The following CLSTN2 variants were observed in gnomAD, a reference collection of about 807,000 sequenced individuals.
CLSTN2 encodes calsyntenin 2.
CLSTN2 carries 48 observed loss-of-function variants against 101.2 expected under a neutral mutation model. The observed-to-expected ratio is 0.47, with a 90% CI of 0.38 to 0.60. CLSTN2 has a LOEUF of 0.60. Among genes scored for constraint, CLSTN2 ranks in the 20% least tolerant of loss-of-function variants. The pLI, the probability that CLSTN2 is intolerant of heterozygous loss-of-function variation, is 0.00. For synonymous variants in CLSTN2, 481 were observed against 463.6 expected (o/e 1.04, Z -0.48); for missense variants, 1,160 against 1,238.2 (o/e 0.94, Z 0.95).
intron 2 of CLSTN2, among the ~76,000 whole-genome samples, chr3:140,347,107 A>G (rs1332235335): frequency 3.3e-5 from 5 of 152,184 alleles, no homozygotes; most frequent in African/African-American, 9.7e-5. Flanking sequence ...TTTTCTCCTG[A>G]GAGTCATACA....
chr3:140,524,866 A>C (rs556298971), intron 8 of CLSTN2, among the ~76,000 whole-genome samples: 1 of 152,240 alleles, frequency 6.6e-6, no homozygotes, highest in Non-Finnish European at 1.5e-5. Context: ...CAACAAAATT[A>C]AGGCAGAAAT....
At chr3:139,969,743 G>T (rs933608986) in intron 1 of CLSTN2, among the ~76,000 whole-genome samples, 3 of 152,116 alleles carry the variant, frequency 2.0e-5, no homozygotes, top group Admixed American at 6.5e-5. Context: ...CTTGGAGGAG[G>T]ACCTGTGCCT....
intron 5 of CLSTN2, among the ~76,000 whole-genome samples, chr3:140,437,087 C>T (rs1384262713): frequency 6.4e-5 from 9 of 141,716 alleles, no homozygotes; most frequent in Non-Finnish European, 9.0e-5. Flanking sequence ...CTTGCTCTGT[C>T]GCCCAGGCTG....
chr3:140,377,652 AT>A (rs551700205), intron 2 of CLSTN2, among the ~76,000 whole-genome samples: 2,234 of 152,306 alleles, frequency 0.015, 21 homozygotes, highest in Non-Finnish European at 0.021. Flanking sequence ...GAAAGAAAAC[AT>A]TTTTTTACAG....
At chr3:140,438,431 TAAAAAA>T (rs60186664) in intron 5 of CLSTN2, among the ~76,000 whole-genome samples, 6 of 45,676 alleles carry the variant, frequency 1.3e-4, no homozygotes, top group African/African-American at 6.4e-4. Flanking sequence ...GTCCTTTCAT[TAAAAAA>T]AAAAAAAAAA....
chr3:140,157,700 TTG>T (rs1422167253), intron 1 of CLSTN2, among the ~76,000 whole-genome samples: 1 of 141,154 alleles, frequency 7.1e-6, no homozygotes, highest in African/African-American at 3.0e-5. Flanking sequence ...GTTTCATTGA[TTG>T]TTTGTATGGA....
At chr3:140,016,800 A>AG (rs2007210997) in intron 1 of CLSTN2, among the ~76,000 whole-genome samples, 1 of 151,256 alleles carries the variant, frequency 6.6e-6, no homozygotes, top group Non-Finnish European at 1.5e-5. Context: ...TCTGAAAAAA[A>AG]AAAAAAAAAA....
At chr3:140,454,579 G>GACAATCACTGATATAGATT (rs1470904516) in intron 6 of CLSTN2, 1 of 152,206 alleles carries the variant, frequency 6.6e-6, no homozygotes, top group African/African-American at 2.4e-5. Context: ...GTCGGGGTAA[G>GACAATCACTGATATAGATT]ACAGGTTATG....
chr3:140,098,511 A>G (rs1026289602), intron 1 of CLSTN2, among the ~76,000 whole-genome samples: 1 of 152,236 alleles, frequency 6.6e-6, no homozygotes, highest in African/African-American at 2.4e-5. Flanking sequence ...AGACAGAGAA[A>G]GAGCTATATA....
intron 4 of CLSTN2, among the ~76,000 whole-genome samples, chr3:140,411,592 A>G (rs989549836): frequency 7.9e-5 from 12 of 152,250 alleles, no homozygotes; most frequent in Non-Finnish European, 2.9e-5. Flanking sequence ...TATGCAGAAC[A>G]TTTTATCAAA....
intron 1 of CLSTN2, among the ~76,000 whole-genome samples, chr3:140,102,614 G>T (rs1484354893): frequency 6.6e-6 from 1 of 152,200 alleles, no homozygotes; most frequent in African/African-American, 2.4e-5. Flanking sequence ...TCAATTGAAA[G>T]CCATTGTCTT....
At chr3:140,067,818 T>C (rs940356804) in intron 1 of CLSTN2, among the ~76,000 whole-genome samples, 1 of 152,222 alleles carries the variant, frequency 6.6e-6, no homozygotes, top group Non-Finnish European at 1.5e-5. Context: ...ATTCTTAAAA[T>C]AAGCAGTCTT....
intron 1 of CLSTN2, among the ~76,000 whole-genome samples, chr3:140,157,619 T>G (rs2009976389): frequency 6.6e-6 from 1 of 152,248 alleles, no homozygotes; most frequent in African/African-American, 2.4e-5. Context: ...TATTTGGATA[T>G]TCTTTTATTC....
At chr3:140,182,238 C>T (rs1038354879) in intron 2 of CLSTN2, among the ~76,000 whole-genome samples, 1 of 152,140 alleles carries the variant, frequency 6.6e-6, no homozygotes, top group Non-Finnish European at 1.5e-5. Context: ...GCAAGGATTG[C>T]TGGCTTTTCA....
chr3:140,085,596 G>A (rs1560090236), intron 1 of CLSTN2, among the ~76,000 whole-genome samples: 1 of 152,114 alleles, frequency 6.6e-6, no homozygotes, highest in Non-Finnish European at 1.5e-5. Context: ...ACAACTAGTT[G>A]TGTATGGCTG....
chr3:139,956,870 A>G (rs950748062), intron 1 of CLSTN2, among the ~76,000 whole-genome samples: 3 of 152,214 alleles, frequency 2.0e-5, no homozygotes, highest in African/African-American at 7.2e-5. Flanking sequence ...AGACTGGGAT[A>G]TCACTTTCCC....
chr3:140,485,343 G>T (rs1007324306), intron 8 of CLSTN2, among the ~76,000 whole-genome samples: 1 of 152,212 alleles, frequency 6.6e-6, no homozygotes, highest in African/African-American at 2.4e-5. Flanking sequence ...GTACCCAGCC[G>T]TGTGAGGTGT....
intron 1 of CLSTN2, among the ~76,000 whole-genome samples, chr3:140,038,225 T>C (rs1468897263): frequency 1.3e-5 from 2 of 152,208 alleles, no homozygotes; most frequent in Non-Finnish European, 2.9e-5. Flanking sequence ...CCTGACTTTT[T>C]AATAATCACC....
At chr3:140,494,763 T>C (rs1475542395) in intron 8 of CLSTN2, among the ~76,000 whole-genome samples, 13 of 152,210 alleles carry the variant, frequency 8.5e-5, no homozygotes, top group Admixed American at 8.5e-4. Flanking sequence ...GGCTTTTAGC[T>C]CCATTCATAT....
Sources: gnomAD v4.1 joint callset for allele counts (sites outside exome capture counted in the v4.1 genomes callset) on GRCh38, gnomAD v4.1.1 for gene constraint, MANE v1.5 for transcripts, NCBI Gene and HGNC (gene_info 2026-07-23, HGNC 2026-07-21) for gene names.